The following CENPP variants were observed in gnomAD, a reference collection of about 807,000 sequenced individuals.
CENPP encodes the protein centromere protein P.
CENPP carries 24 observed loss-of-function variants against 35.6 expected under a neutral mutation model. The ratio of observed to expected loss-of-function variants is 0.67; its 90% CI spans 0.49 to 0.95. CENPP has a LOEUF of 0.95. Among genes scored for constraint, CENPP ranks in the 40% least tolerant of loss-of-function variants. The probability of loss-of-function intolerance (pLI) is 0.00; values close to 1 mark genes in which losing one functional copy is unlikely to be tolerated. For synonymous variants in CENPP, 120 were observed against 125.5 expected (o/e 0.96, Z 0.29); for missense variants, 332 against 345.3 (o/e 0.96, Z 0.31).
chr9:92,416,876 G>A (rs1178854329), intron 5 of CENPP: 1 of 1,613,932 alleles, frequency 6.2e-7, no homozygotes, highest in Non-Finnish European at 8.5e-7. Flanking sequence ...CAAACCAGGA[G>A]GCATTGATTC....
chr9:92,428,623 A>G (rs1400506196), intron 5 of CENPP, among the ~76,000 whole-genome samples: 2 of 144,942 alleles, frequency 1.4e-5, no homozygotes, highest in Non-Finnish European at 3.1e-5. Flanking sequence ...GGTCTTGACT[A>G]TGTTCATACA....
chr9:92,425,527 G>A (rs957724611), intron 5 of CENPP, among the ~76,000 whole-genome samples: 5 of 152,038 alleles, frequency 3.3e-5, no homozygotes, highest in African/African-American at 9.7e-5. Context: ...CAGTAGATTC[G>A]GAGTTCATTT....
At chr9:92,450,779 A>G (rs986272314) in intron 5 of CENPP, among the ~76,000 whole-genome samples, 4 of 151,964 alleles carry the variant, frequency 2.6e-5, no homozygotes, top group African/African-American at 9.6e-5. Context: ...CTTTTTAATG[A>G]TTGCCATTCT....
chr9:92,330,167 C>T (rs1436693205), intron 1 of CENPP, among the ~76,000 whole-genome samples: 2 of 152,116 alleles, frequency 1.3e-5, no homozygotes, highest in African/African-American at 4.8e-5. Context: ...GTCCAGATGT[C>T]AGGCAAGTGA....
chr9:92,459,106 C>A (rs1163563103), intron 5 of CENPP, among the ~76,000 whole-genome samples: 1 of 152,046 alleles, frequency 6.6e-6, no homozygotes, highest in Non-Finnish European at 1.5e-5. Context: ...TAAAAACAAA[C>A]AACAAAATGG....
rs538649951 is a variant in CENPP at position 92,441,730 on chromosome 9, G to A, written c.564+61871G>A. ...GCCGAGATCGCGCCACTGCACTCCA[G>A]CCTAGGTGCCAGAGTGAGACTCTTA... On this transcript the variant is annotated intron_variant, in intron 5 of 7. Transcript: ENST00000375587. Among the ~76,000 whole-genome samples the A allele has an allele frequency of 5.0e-4, 76 of 152,284 alleles. No individual in the cohort carries two copies. In the South Asian group the frequency reaches 0.015, roughly 30 times the overall value.
At chr9:92,567,393 T>TAG (rs141069842) in intron 5 of CENPP, among the ~76,000 whole-genome samples, 12,594 of 124,784 alleles carry the variant, frequency 0.1, 795 homozygotes, top group Admixed American at 0.14. Flanking sequence ...TATATATATA[T>TAG]ATAGATATAT....
intron 5 of CENPP, chr9:92,482,236 C>T (rs1845937728): frequency 6.6e-6 from 1 of 152,048 alleles, no homozygotes; most frequent in Non-Finnish European, 1.5e-5. Context: ...ATTAATGTCT[C>T]CTTAGTATTG....
chr9:92,336,750 C>G (rs148444319), intron 2 of CENPP, among the ~76,000 whole-genome samples: 23 of 152,108 alleles, frequency 1.5e-4, no homozygotes, highest in Non-Finnish European at 2.5e-4. Context: ...GTGGTAGTTA[C>G]CTGAACAACC....
At chr9:92,602,548 G>A (rs1251511504) in intron 5 of CENPP, among the ~76,000 whole-genome samples, 2 of 152,230 alleles carry the variant, frequency 1.3e-5, no homozygotes, top group Non-Finnish European at 2.9e-5. Flanking sequence ...CTGCACCCAG[G>A]CTGTCAAGAC....
At chr9:92,532,680 G>A (rs530996534) in intron 5 of CENPP, among the ~76,000 whole-genome samples, 1 of 151,996 alleles carries the variant, frequency 6.6e-6, no homozygotes, top group Non-Finnish European at 1.5e-5. Flanking sequence ...CAGGTTTTCA[G>A]TATGTTCTTT....
intron 7 of CENPP, among the ~76,000 whole-genome samples, 185 bp downstream of exon 7, chr9:92,612,799 T>C (rs1053064345): frequency 1.1e-4 from 16 of 152,326 alleles, no homozygotes; most frequent in African/African-American, 3.8e-4. Context: ...AAGGGATTGC[T>C]GCCCCAAGGC....
At chr9:92,330,688 G>GTTTTT (rs11396197) in intron 1 of CENPP, among the ~76,000 whole-genome samples, 18 of 121,250 alleles carry the variant, frequency 1.5e-4, no homozygotes, top group South Asian at 2.6e-4. Context: ...TCTTTTCTTT[G>GTTTTT]TTTTTTTTTT....
At chr9:92,468,719 A>C (rs1035432327) in intron 5 of CENPP, among the ~76,000 whole-genome samples, 12 of 152,244 alleles carry the variant, frequency 7.9e-5, no homozygotes, top group African/African-American at 2.9e-4. Flanking sequence ...TGTACTTTAA[A>C]AAGTGATTTA....
chr9:92,342,978 A>G (rs550430498), intron 3 of CENPP, among the ~76,000 whole-genome samples: 4 of 152,238 alleles, frequency 2.6e-5, no homozygotes, highest in Non-Finnish European at 5.9e-5. Context: ...GTGAAGACTG[A>G]TAGAAAAAGA....
intron 4 of CENPP, among the ~76,000 whole-genome samples, chr9:92,366,523 A>G (rs1841893161): frequency 6.6e-6 from 1 of 152,220 alleles, no homozygotes; most frequent in Non-Finnish European, 1.5e-5. Context: ...TGTGCCCACC[A>G]CTATTTACAG....
At chr9:92,600,545 G>A (rs1259332762) in intron 5 of CENPP, 4 of 1,612,408 alleles carry the variant, frequency 2.5e-6, no homozygotes, top group African/African-American at 1.3e-5. Context: ...ACTGGGGCTG[G>A]GGCACATGGA....
At chr9:92,466,615 T>C in intron 5 of CENPP, 1 of 1,505,214 alleles carries the variant, frequency 6.6e-7, no homozygotes, top group Non-Finnish European at 9.2e-7. Flanking sequence ...GAAGTGGATT[T>C]GATTTACCAG....
intron 5 of CENPP, among the ~76,000 whole-genome samples, chr9:92,422,655 T>C (rs571336190): frequency 6.6e-6 from 1 of 152,244 alleles, no homozygotes; most frequent in East Asian, 1.9e-4. Flanking sequence ...TTCCTAACCA[T>C]GTAGTACAAT....
Sources: gnomAD v4.1 joint callset for allele counts (sites outside exome capture counted in the v4.1 genomes callset) on GRCh38, gnomAD v4.1.1 for gene constraint, MANE v1.5 for transcripts, NCBI Gene and HGNC (gene_info 2026-07-23, HGNC 2026-07-21) for gene names.